KCNIP1: variants seen among roughly 807,000 people sequenced by gnomAD.
KCNIP1 encodes the protein potassium voltage-gated channel interacting protein 1, also known as A-type potassium channel modulatory protein KCNIP1.
Under a neutral mutation model 33.0 loss-of-function variants are expected in KCNIP1, and 18 were observed. The observed-to-expected ratio is 0.55, with a 90% CI of 0.38 to 0.81. The LOEUF is 0.81. KCNIP1 is among the 30% of genes least tolerant of loss of function. The pLI, the probability that KCNIP1 is intolerant of heterozygous loss-of-function variation, is 0.00. For synonymous variants in KCNIP1, 93 were observed against 98.3 expected, an observed-to-expected ratio of 0.95 and a Z score of 0.32; for missense variants, 238 against 271.6, an observed-to-expected ratio of 0.88 and a Z score of 0.87.
chr5:170,362,019 T>C (rs1446668118), intron 1 of KCNIP1, among the ~76,000 whole-genome samples: 1 of 152,244 alleles, frequency 6.6e-6, no homozygotes, highest in Non-Finnish European at 1.5e-5. Flanking sequence ...TTCAAAGGCC[T>C]CTTTCAGCTT....
At chr5:170,700,245 G>A (rs1013622956) in intron 1 of KCNIP1, among the ~76,000 whole-genome samples, 2 of 151,958 alleles carry the variant, frequency 1.3e-5, no homozygotes, top group Admixed American at 6.6e-5. Context: ...CTGTGTCAAG[G>A]CCACCACAGA....
intron 1 of KCNIP1, among the ~76,000 whole-genome samples, chr5:170,416,270 A>G (rs913167388): frequency 1.3e-5 from 2 of 152,078 alleles, no homozygotes; most frequent in African/African-American, 4.8e-5. Flanking sequence ...GAGTCCTTCC[A>G]TCAAGGAGGC....
intron 7 of KCNIP1, among the ~76,000 whole-genome samples, chr5:170,734,858 C>A (rs1348550431): frequency 1.3e-5 from 2 of 152,210 alleles, no homozygotes; most frequent in African/African-American, 4.8e-5. Context: ...ACACTGACCC[C>A]CTTGGGGGTG....
chr5:170,439,199 G>A (rs920007870), intron 1 of KCNIP1, among the ~76,000 whole-genome samples: 6 of 152,188 alleles, frequency 3.9e-5, no homozygotes, highest in Non-Finnish European at 7.4e-5. Context: ...GAACTGAATG[G>A]GGTTAGGGCT....
chr5:170,400,376 T>A (rs1754870313), intron 1 of KCNIP1, among the ~76,000 whole-genome samples: 1 of 151,796 alleles, frequency 6.6e-6, no homozygotes. Context: ...CCAGGGGAAA[T>A]TACCATTTAT....
chr5:170,660,137 T>C (rs2113744602), intron 1 of KCNIP1, among the ~76,000 whole-genome samples: 1 of 152,320 alleles, frequency 6.6e-6, no homozygotes, highest in East Asian at 1.9e-4. Context: ...AAGACCCAGC[T>C]GCTTTTCAAA....
At chr5:170,455,659 A>G (rs1455961267) in intron 1 of KCNIP1, among the ~76,000 whole-genome samples, 2 of 152,234 alleles carry the variant, frequency 1.3e-5, no homozygotes, top group African/African-American at 4.8e-5. Context: ...GGAAACTCAC[A>G]ACTATATAGA....
intron 1 of KCNIP1, chr5:170,385,480 A>G (rs1423026094): frequency 1.9e-6 from 3 of 1,613,394 alleles, no homozygotes; most frequent in African/African-American, 2.7e-5. Flanking sequence ...TTCTAGGTCC[A>G]CAGAAGCAAA....
chr5:170,555,163 C>T lies in KCNIP1; in HGVS notation c.61+50530C>T, dbSNP rs763911297. ...ACAACTGCCTGTCTCAGTTCCCCAG[C>T]GAGACCGAGACTGAGCTCAGCCATT... On this transcript the variant is annotated intron_variant, in intron 1 of 7. Transcript: ENST00000328939. 6.6e-5 allele frequency among the ~76,000 whole-genome samples: 10 copies of T among 152,166 alleles called. No homozygotes were observed. The South Asian group carries it at 1.2e-3, about 19-fold the overall frequency.
At chr5:170,696,547 C>T (rs1258219384) in intron 1 of KCNIP1, among the ~76,000 whole-genome samples, 2 of 152,086 alleles carry the variant, frequency 1.3e-5, no homozygotes, top group East Asian at 3.9e-4. Context: ...GCCCTTGAAA[C>T]GAGATTTGAG....
intron 1 of KCNIP1, among the ~76,000 whole-genome samples, chr5:170,395,172 A>G (rs1370726368): frequency 2.0e-5 from 3 of 152,242 alleles, no homozygotes; most frequent in Middle Eastern, 3.2e-3. Context: ...AGAAATCTCC[A>G]AAGTGCTTTC....
chr5:170,516,948 T>A (rs1454565688), intron 1 of KCNIP1, among the ~76,000 whole-genome samples: 2 of 152,110 alleles, frequency 1.3e-5, no homozygotes, highest in East Asian at 3.8e-4. Flanking sequence ...ATGATTTTGA[T>A]AGTGGTGGTG....
At chr5:170,695,937 C>A (rs554269954) in intron 1 of KCNIP1, among the ~76,000 whole-genome samples, 1 of 150,874 alleles carries the variant, frequency 6.6e-6, no homozygotes, top group South Asian at 2.1e-4. Flanking sequence ...GAGAATTGTT[C>A]GAACCAGGGA....
intron 1 of KCNIP1, among the ~76,000 whole-genome samples, chr5:170,474,242 T>C (rs1162313713): frequency 6.6e-6 from 1 of 152,124 alleles, no homozygotes; most frequent in East Asian, 1.9e-4. Flanking sequence ...TTACTTATCA[T>C]ACATTTCCTC....
chr5:170,444,772 T>G (rs1297317595), intron 1 of KCNIP1, among the ~76,000 whole-genome samples: 1 of 152,012 alleles, frequency 6.6e-6, no homozygotes, highest in Non-Finnish European at 1.5e-5. Context: ...TGAGAAGATC[T>G]GCGGGCAAGG....
In KCNIP1 at chr5:170,457,675, G is replaced by GA. The variant is rs556777843; in HGVS notation, c.88+103712dup. Among the ~76,000 whole-genome samples the GA allele has an allele frequency of 1.4e-3, 215 of 152,264 alleles. 1 individual carries two copies. Among genetic ancestry groups the GA allele is most frequent in the Middle Eastern group, 6.8e-3 (2 of 294 alleles). ...AATACATCAAGGGAACACCCCATGG[G>GA]ACAAAAGAATCTGAACAACAGCCTC... On this transcript the variant is annotated intron_variant, in intron 1 of 7. Coordinates refer to the KCNIP1 transcript ENST00000377360.
At chr5:170,590,707 CTG>C in intron 1 of KCNIP1, among the ~76,000 whole-genome samples, 1 of 152,366 alleles carries the variant, frequency 6.6e-6, no homozygotes, top group Middle Eastern at 3.4e-3. Context: ...CCCTGCCAGA[CTG>C]TATTAGTCAG....
At chr5:170,727,102 A>T (rs931325037) in intron 5 of KCNIP1, among the ~76,000 whole-genome samples, 1 of 152,250 alleles carries the variant, frequency 6.6e-6, no homozygotes, top group African/African-American at 2.4e-5. Context: ...CTGTTCATCC[A>T]ATGGAATATT....
chr5:170,550,685 T>C (rs1756592798), intron 1 of KCNIP1, among the ~76,000 whole-genome samples: 4 of 152,098 alleles, frequency 2.6e-5, no homozygotes, highest in Admixed American at 2.6e-4. Context: ...CTGGTGATGA[T>C]GATGGTGATG....
Sources: gnomAD v4.1 joint callset for allele counts (sites outside exome capture counted in the v4.1 genomes callset) on GRCh38, gnomAD v4.1.1 for gene constraint, MANE v1.5 for transcripts, NCBI Gene and HGNC (gene_info 2026-07-23, HGNC 2026-07-21) for gene names.